PPP1CA: variants seen among roughly 807,000 people sequenced by gnomAD.
PPP1CA encodes protein phosphatase 1 catalytic subunit alpha.
Under a neutral mutation model 38.5 loss-of-function variants are expected in PPP1CA, and 14 were observed. The ratio of observed to expected loss-of-function variants is 0.36; its 90% confidence interval spans 0.24 to 0.57. PPP1CA has a LOEUF of 0.57. PPP1CA is among the 20% of genes least tolerant of loss of function. The pLI is 0.80. For synonymous variants in PPP1CA, 200 were observed against 177.3 expected, an observed-to-expected ratio of 1.13 and a Z score of -1.02; for missense variants, 277 against 435.2, an observed-to-expected ratio of 0.64 and a Z score of 3.23.
chr11:67,399,707 C>T (rs1862837655), intron 3 of PPP1CA, 42 bp from the exon 4 acceptor site: 1 of 1,525,322 alleles, frequency 6.6e-7, no homozygotes, highest in African/African-American at 1.4e-5. Context: ...GCCTACCCCA[C>T]CCTCAGCCAG....
chr11:67,399,394 C>A (rs528171237), intron 4 of PPP1CA, among the ~76,000 whole-genome samples, 167 bp downstream of exon 4: 4 of 152,334 alleles, frequency 2.6e-5, no homozygotes, highest in African/African-American at 9.6e-5. Flanking sequence ...AGGAGACAAG[C>A]CCACTCCATG....
chr11:67,399,780 C>A lies in PPP1CA; in HGVS notation c.419-115G>T, dbSNP rs1862839968. ...GTCAGGCACCGATGCAAACCACCCCCCACCCCTGCCACCTGTCAGCCTTCC... is the reference window on the plus strand; with the variant it reads ...GTCAGGCACCGATGCAAACCACCCCACACCCCTGCCACCTGTCAGCCTTCC... On this transcript the variant is annotated intron_variant, in intron 3 of 6. Coordinates refer to ENST00000376745, the MANE Select transcript of PPP1CA (RefSeq NM_002708.4). 4 of 717,096 alleles carry A rather than the reference C, an allele frequency of 5.6e-6. No individual in the cohort carries two copies. The Admixed American group carries it at 9.6e-5, about 17-fold the overall frequency. The allele number at this position is 717,096 out of a possible 1,614,324, so 44.4% of individuals were successfully genotyped here.
chr11:67,399,934 G>A (rs897768590), intron 3 of PPP1CA, among the ~76,000 whole-genome samples: 7 of 152,300 alleles, frequency 4.6e-5, no homozygotes, highest in Admixed American at 3.9e-4. Flanking sequence ...TCAGAAGTTC[G>A]AGACCAGCCT....
Position 67,401,211 on chromosome 11 carries a change from T to G in PPP1CA, c.56-12A>C. 1 of 1,613,476 alleles carries G rather than the reference T, an allele frequency of 6.2e-7. No individual in the cohort carries two copies. Among genetic ancestry groups the G allele is most frequent in the East Asian group, 2.2e-5 (1 of 44,876 alleles). ...CCGCGAGCCCTGCACTGGGGCGCAA[T>G]GGGGTGTCAGGACCCTGGACCCTGA... On this transcript the variant is annotated splice_polypyrimidine_tract_variant and intron_variant, in intron 1 of 6. Transcript: ENST00000376745.
chr11:67,399,965 GTC>G (rs1565121632), intron 3 of PPP1CA, among the ~76,000 whole-genome samples: 2 of 152,096 alleles, frequency 1.3e-5, no homozygotes, highest in African/African-American at 4.8e-5. Context: ...GAGAAACCTC[GTC>G]TCTACTAAAA....
Position 67,398,853 on chromosome 11 carries a change from C to T in PPP1CA, c.751G>A (p.Val251Ile). The T allele has an allele frequency of 1.2e-6, 2 of 1,612,586 alleles. No homozygotes were observed. The highest frequency in any genetic ancestry group is 1.1e-5 in the South Asian group (1 of 91,070). ...GCAAAGAACTCGTAGCCGTCTTCTA[C>T]CACCTGGGCGAGGATGGGAGCAGTC... ...LDLICRAHQV[V>I]EDGYEFFAKR... is the part of the protein sequence containing the mutation. The change falls in exon 6 of 7, where the codon GTA becomes ATA. Residue 251 changes from valine to isoleucine, a missense_variant. Physicochemically the swap from Val to Ile is conservative, Grantham distance 29 (BLOSUM62 3). Around this residue, in one of 3 missense-constraint regions of PPP1CA, gnomAD observed 180 missense variants for 356.7 expected, o/e 0.50. Coordinates refer to ENST00000376745, the MANE Select transcript of PPP1CA (RefSeq NM_002708.4).
At position 67,399,623 on chromosome 11, in the gene PPP1CA, T is replaced by G; in HGVS notation, c.461A>C (p.Asp154Ala). ...CGCGATGGGCAGGCAGTTGAAGCAG[T>G]CAGTGAAGGTTTTCCACAGTTTGAT... is the stretch of plus-strand genomic sequence containing the variant. ...YNIKLWKTFT[D>A]CFNCLPIAAI... The change falls in exon 4 of 7, where the codon GAC becomes GCC. Residue 154 changes from aspartate (D) to alanine (A), a missense_variant. Transcript: ENST00000376745. The G allele has an allele frequency of 6.2e-7, 1 of 1,614,106 alleles. No homozygotes were observed. The highest frequency in any genetic ancestry group is 8.5e-7 in the Non-Finnish European group (1 of 1,179,974).
At position 67,399,668 on chromosome 11, in the gene PPP1CA, G is replaced by A. The variant is rs1172174778; in HGVS notation, c.419-3C>T. 5.6e-6 allele frequency: 9 copies of A among 1,611,056 alleles called. No individual in the cohort carries two copies. The South Asian group carries it at 7.7e-5, about 14-fold the overall frequency. ...TTTGATGTTGTAGCGTCTCTTGCCTGCCCAGGGGGAGGTGGCTGTGAGGTG... is the reference window on the plus strand; with the variant it reads ...TTTGATGTTGTAGCGTCTCTTGCCTACCCAGGGGGAGGTGGCTGTGAGGTG... On this transcript the variant is annotated splice_polypyrimidine_tract_variant and splice_region_variant and intron_variant, in intron 3 of 6. Transcript: ENST00000376745.
rs1364661974 is a variant in PPP1CA at position 67,398,759 on chromosome 11, A to G, written c.845T>C (p.Met282Thr). ...YCGEFDNAGAMMSVDETLMCS... is the reference protein window; with the variant it reads ...YCGEFDNAGATMSVDETLMCS... ...CATGAGGGTCTCGTCCACACTCATC[A>G]TGGCGCCAGCATTGTCAAACTCGCC... Residue 282 changes from methionine to threonine, a missense_variant, in exon 6 of 7, where the codon ATG (methionine) becomes ACG (threonine). Transcript: ENST00000376745. The G allele has an allele frequency of 4.3e-6, 7 of 1,613,772 alleles. No individual in the cohort carries two copies. The highest frequency in any genetic ancestry group is 1.3e-5 in the African/African-American group (1 of 74,884).
At position 67,399,589 on chromosome 11, in the gene PPP1CA, C is replaced by T. The variant is rs865994473; in HGVS notation, c.495G>A (p.Val165=). ...CFNCLPIAAI[V]DEKIFCCHGG... ...CGTGGCAGCAGAAGATCTTTTCGTC[C>T]ACTATGGCCGCGATGGGCAGGCAGT... is the stretch of plus-strand genomic sequence containing the variant. The change falls in exon 4 of 7, where the codon GTG becomes GTA. Residue 165 remains valine, a synonymous_variant. Transcript: ENST00000376745. 6.2e-7 allele frequency: 1 copy of T among 1,614,120 alleles called. No individual in the cohort carries two copies. The highest frequency in any genetic ancestry group is 8.5e-7 in the Non-Finnish European group (1 of 1,180,000).
Position 67,401,074 on chromosome 11 carries a change from T to A in PPP1CA, c.181A>T (p.Ile61Phe). 1 of 1,613,720 alleles carries A rather than the reference T, an allele frequency of 6.2e-7. No homozygotes were observed. Among genetic ancestry groups the A allele is most frequent in the Non-Finnish European group, 8.5e-7 (1 of 1,179,960 alleles). ...ACCTGGGCCGGGGGCTCACCGCAGA[T>A]CTTGAGGGGTGCCTCCAGCTCCAGA... ...ILLELEAPLK[I>F]CGDIHGQYYD... The change falls in exon 2 of 7, where the codon ATC becomes TTC. Residue 61 changes from isoleucine (I) to phenylalanine (F), a missense_variant. Ile to Phe is a conservative substitution (Grantham distance 21). Transcript: ENST00000376745.
At chr11:67,399,527 A>G (rs1315946419) in intron 4 of PPP1CA, 34 bp downstream of exon 4, 13 of 1,582,162 alleles carry the variant, frequency 8.2e-6, no homozygotes, top group Admixed American at 1.7e-5. Flanking sequence ...GGATGCGGCC[A>G]GTGCTCCTCC....
Position 67,398,737 on chromosome 11 carries a change from G to A in PPP1CA, c.867C>T (p.Leu289=), listed in dbSNP as rs1192159261. The A allele has an allele frequency of 3.7e-6, 6 of 1,613,956 alleles. No homozygotes were observed. In the South Asian group the frequency reaches 5.5e-5, roughly 15 times the overall value. The change falls in exon 6 of 7, where the codon CTC becomes CTT. Residue 289 remains leucine, a synonymous_variant. Coordinates refer to ENST00000376745, the MANE Select transcript of PPP1CA (RefSeq NM_002708.4). The part of the protein sequence containing the change: ...AGAMMSVDET[L]MCSFQILKPA... ...CCACACTCACCTGGAAAGAGCACAT[G>A]AGGGTCTCGTCCACACTCATCATGG...
chr11:67,398,610 G>GTACTTCCCCT lies in PPP1CA; in HGVS notation c.908_917dup (p.Tyr306Ter). The GTACTTCCCCT allele has an allele frequency of 6.2e-7, 1 of 1,614,118 alleles. No homozygotes were observed. On this transcript the variant is annotated stop_gained and frameshift_variant, in exon 7 of 7. Transcript: ENST00000376745. LOFTEE classifies it high-confidence loss of function. ...CAGGGTTCAGGCCACTGAACTGCCC[G>GTACTTCCCCT]TACTTCCCCTTGTTCTTGTCGGCGG...
At chr11:67,400,519 C>G (rs911934841) in intron 3 of PPP1CA, among the ~76,000 whole-genome samples, 170 bp downstream of exon 3, 1 of 152,222 alleles carries the variant, frequency 6.6e-6, no homozygotes, top group Admixed American at 6.5e-5. Context: ...ATTCCCCAGA[C>G]CCCATGCCAG....
intron 1 of PPP1CA, 157 bp from the exon 2 acceptor site, chr11:67,401,356 C>G (rs1862884908): frequency 7.7e-7 from 1 of 1,295,496 alleles, no homozygotes. Context: ...ACCGCGGCCT[C>G]AAGCCTCCCA....
In PPP1CA at chr11:67,398,640, G is replaced by A. The variant is rs764850873; in HGVS notation, c.888C>T (p.Leu296=). ...TCCCCTTGTTCTTGTCGGCGGGCTT[G>A]AGGATCTAAAAGAGACAGTGTTGGT... ...DETLMCSFQI[L]KPADKNKGKY... The change falls in exon 7 of 7, where the codon CTC becomes CTT. Residue 296 remains leucine (L), a synonymous_variant. Transcript: ENST00000376745. The A allele has an allele frequency of 1.2e-6, 2 of 1,614,110 alleles. No homozygotes were observed. Among genetic ancestry groups the A allele is most frequent in the Non-Finnish European group, 1.7e-6 (2 of 1,179,992 alleles).
intron 4 of PPP1CA, 127 bp from the exon 5 acceptor site, chr11:67,399,290 A>G: frequency 1.1e-6 from 1 of 894,430 alleles, no homozygotes; most frequent in Non-Finnish European, 1.7e-6. Flanking sequence ...GCGCCTAGAC[A>G]GGCAGAAGTC....
chr11:67,400,625 T>C, intron 3 of PPP1CA, 64 bp downstream of exon 3: 1 of 1,460,010 alleles, frequency 6.8e-7, no homozygotes, highest in Non-Finnish European at 9.6e-7. Flanking sequence ...AATGTGAAGG[T>C]CCCACTGAAT....
Sources: gnomAD v4.1 joint callset for allele counts (sites outside exome capture counted in the v4.1 genomes callset) on GRCh38, gnomAD v4.1.1 for gene constraint, gnomAD v4.1.1 regional missense constraint, MANE v1.5 for transcripts, NCBI Gene and HGNC (gene_info 2026-07-23, HGNC 2026-07-21) for gene names.